Variants in APBA1 observed in about 807,000 individuals in gnomAD.
APBA1 encodes the protein amyloid beta precursor protein binding family A member 1, also known as amyloid-beta A4 precursor protein-binding family A member 1.
A neutral mutation model predicts 86.6 loss-of-function variants in APBA1; 55 were observed. The observed-to-expected ratio is 0.64, with a 90% CI of 0.51 to 0.80. The LOEUF (loss-of-function observed/expected upper bound fraction) is 0.80, where lower values mean the gene tolerates loss of function less well. APBA1 is among the 30% of genes least tolerant of loss of function. The pLI, the probability that APBA1 is intolerant of heterozygous loss-of-function variation, is 0.00. For synonymous variants in APBA1, 511 were observed against 493.9 expected (o/e 1.03, Z -0.46); for missense variants, 1,090 against 1,183.0 (o/e 0.92, Z 1.15).
At chr9:69,514,679 T>A (rs561554442) in intron 2 of APBA1, among the ~76,000 whole-genome samples, 170 of 152,086 alleles carry the variant, frequency 1.1e-3, no homozygotes, top group African/African-American at 4.0e-3. Flanking sequence ...GAGGCCGAGG[T>A]GAGTGGTTCA....
At chr9:69,445,654 C>A (rs988807363) in intron 10 of APBA1, among the ~76,000 whole-genome samples, 2 of 152,124 alleles carry the variant, frequency 1.3e-5, no homozygotes, top group African/African-American at 4.8e-5. Context: ...CAGAAAGAGG[C>A]AGCCTGTAAA....
At chr9:69,641,548 T>C (rs1474551530) in intron 1 of APBA1, among the ~76,000 whole-genome samples, 2 of 152,154 alleles carry the variant, frequency 1.3e-5, no homozygotes, top group African/African-American at 4.8e-5. Context: ...AGGATAGACA[T>C]ATAAATCAAA....
intron 2 of APBA1, among the ~76,000 whole-genome samples, chr9:69,500,733 C>A (rs944741146): frequency 6.6e-6 from 1 of 152,076 alleles, no homozygotes; most frequent in Non-Finnish European, 1.5e-5. Flanking sequence ...CAAGACCCAA[C>A]CTCCAGAGGC....
intron 1 of APBA1, among the ~76,000 whole-genome samples, chr9:69,578,206 A>G (rs1260400237): frequency 6.6e-6 from 1 of 152,238 alleles, no homozygotes; most frequent in Non-Finnish European, 1.5e-5. Flanking sequence ...AGCAGACTCC[A>G]GGCCTTTTCT....
intron 10 of APBA1, 24 bp from the exon 11 acceptor site, chr9:69,441,139 G>T: frequency 6.2e-7 from 1 of 1,607,116 alleles, no homozygotes; most frequent in African/African-American, 1.3e-5. Flanking sequence ...AAAGTACAGT[G>T]GGTATGGTGA....
At chr9:69,541,547 A>ATTTTTTTTTTTTTTT (rs11461593) in intron 1 of APBA1, among the ~76,000 whole-genome samples, 1 of 142,102 alleles carries the variant, frequency 7.0e-6, no homozygotes, top group Non-Finnish European at 1.5e-5. Context: ...TCTTTTTTGC[A>ATTTTTTTTTTTTTTT]TTTTTTTTTT....
At chr9:69,520,039 G>C (rs1018753261) in intron 1 of APBA1, among the ~76,000 whole-genome samples, 20 of 152,120 alleles carry the variant, frequency 1.3e-4, no homozygotes, top group Non-Finnish European at 2.6e-4. Flanking sequence ...CCTCACGGGA[G>C]TATTTACACA....
At chr9:69,481,328 C>T (rs866283591) in intron 2 of APBA1, among the ~76,000 whole-genome samples, 2,985 of 151,608 alleles carry the variant, frequency 0.02, 54 homozygotes, top group Non-Finnish European at 0.031. Flanking sequence ...TATACACCAA[C>T]AACAGACAAA....
intron 1 of APBA1, among the ~76,000 whole-genome samples, chr9:69,569,789 A>T (rs764616467): frequency 2.0e-5 from 3 of 152,254 alleles, no homozygotes; most frequent in Admixed American, 6.5e-5. Context: ...CTTCTTCTGC[A>T]ATAATACTGA....
chr9:69,452,440 C>A, intron 8 of APBA1, 139 bp from the exon 9 acceptor site: 1 of 748,844 alleles, frequency 1.3e-6, no homozygotes, highest in South Asian at 1.9e-5. Context: ...GCCAGTGGTT[C>A]TACGTGGGGC....
chr9:69,614,233 A>C lies in APBA1; in HGVS notation c.-70+57920T>G, dbSNP rs77376089. Reference sequence around the variant, plus strand: ...TTTGGCATCTTTGATGGGCTTCCCCAGCATCAAAATTCTAAATTAAGTCTT... The same window carrying C: ...TTTGGCATCTTTGATGGGCTTCCCCCGCATCAAAATTCTAAATTAAGTCTT... On this transcript the variant is annotated intron_variant, in intron 1 of 12. Coordinates refer to ENST00000265381, the MANE Select transcript of APBA1 (RefSeq NM_001163.4). Among the ~76,000 whole-genome samples the C allele has an allele frequency of 6.2e-4, 95 of 152,336 alleles. 7 individuals are homozygous for C. The East Asian group carries it at 0.018, about 29-fold the overall frequency.
intron 1 of APBA1, among the ~76,000 whole-genome samples, chr9:69,588,657 T>A (rs1316132083): frequency 1.3e-5 from 2 of 152,204 alleles, no homozygotes; most frequent in African/African-American, 4.8e-5. Context: ...CATCAGAGCT[T>A]ACAAGTCAGA....
intron 12 of APBA1, 64 bp downstream of exon 12, chr9:69,432,472 G>A (rs1453672980): frequency 1.2e-5 from 17 of 1,410,178 alleles, no homozygotes; most frequent in Non-Finnish European, 1.5e-5. Flanking sequence ...GCCACGGTGA[G>A]CATACGAGGC....
At chr9:69,446,314 A>G (rs1313459437) in intron 10 of APBA1, among the ~76,000 whole-genome samples, 5 of 152,164 alleles carry the variant, frequency 3.3e-5, no homozygotes, top group Non-Finnish European at 7.4e-5. Context: ...CAAGCGGCGC[A>G]CTGTGGCAGG....
At chr9:69,670,182 T>C (rs1299570893) in intron 1 of APBA1, among the ~76,000 whole-genome samples, 4 of 152,166 alleles carry the variant, frequency 2.6e-5, no homozygotes, top group Non-Finnish European at 5.9e-5. Context: ...TTACTTTACA[T>C]AGACAGCTTC....
chr9:69,574,701 C>T (rs548143496), intron 1 of APBA1, among the ~76,000 whole-genome samples: 1 of 152,162 alleles, frequency 6.6e-6, no homozygotes, highest in African/African-American at 2.4e-5. Flanking sequence ...AACATGGATC[C>T]ATTTATTTTC....
intron 1 of APBA1, among the ~76,000 whole-genome samples, chr9:69,620,805 G>T (rs1407680600): frequency 6.6e-6 from 1 of 152,242 alleles, no homozygotes; most frequent in Non-Finnish European, 1.5e-5. Context: ...CTCCATCTCT[G>T]CATGGAGATG....
chr9:69,515,973 G>A, intron 2 of APBA1, 38 bp downstream of exon 2: 1 of 1,477,918 alleles, frequency 6.8e-7, no homozygotes, highest in Non-Finnish European at 9.1e-7. Context: ...CCCTCCCACC[G>A]CGTGGGGCCG....
chr9:69,590,303 T>C (rs780975587), intron 1 of APBA1, among the ~76,000 whole-genome samples: 35 of 152,200 alleles, frequency 2.3e-4, no homozygotes, highest in Non-Finnish European at 4.4e-4. Context: ...AGCTGTTGAA[T>C]TGAATGGTGA....
Sources: gnomAD v4.1 joint callset for allele counts (sites outside exome capture counted in the v4.1 genomes callset) on GRCh38, gnomAD v4.1.1 for gene constraint, MANE v1.5 for transcripts, NCBI Gene and HGNC (gene_info 2026-07-23, HGNC 2026-07-21) for gene names.